The following PKHD1 variants were observed in gnomAD, a reference collection of about 807,000 sequenced individuals.
PKHD1 encodes PKHD1 ciliary IPT domain containing fibrocystin/polyductin, also known as fibrocystin.
PKHD1 carries 291 observed loss-of-function variants against 412.0 expected under a neutral mutation model. That is an observed-to-expected ratio of 0.71 (90% CI 0.64 to 0.78). The LOEUF (loss-of-function observed/expected upper bound fraction) is 0.78. PKHD1 is among the 30% of genes least tolerant of loss of function. The pLI is 0.00. For missense variants in PKHD1, 4,825 were observed against 4,950.7 expected (o/e 0.97, Z 0.76); for synonymous variants, 1,777 against 1,821.5 (o/e 0.98, Z 0.62).
intron 60 of PKHD1, among the ~76,000 whole-genome samples, chr6:51,691,001 AACAG>A (rs1284215415): frequency 6.6e-6 from 1 of 152,220 alleles, no homozygotes; most frequent in African/African-American, 2.4e-5. Flanking sequence ...AAAGGACATG[AACAG>A]ACACTTTTCA....
At chr6:51,840,663 A>G (rs1770023345) in intron 50 of PKHD1, among the ~76,000 whole-genome samples, 2 of 152,202 alleles carry the variant, frequency 1.3e-5, no homozygotes. Context: ...CAGGAGGCAA[A>G]AAAACACAAA....
At chr6:51,850,255 G>A (rs1049297384) in intron 49 of PKHD1, among the ~76,000 whole-genome samples, 4 of 152,086 alleles carry the variant, frequency 2.6e-5, no homozygotes, top group Admixed American at 6.5e-5. Flanking sequence ...CGGTCTATAT[G>A]TCTGTTTTGG....
chr6:51,924,914 G>A (rs1205126206), intron 37 of PKHD1, among the ~76,000 whole-genome samples: 1 of 152,162 alleles, frequency 6.6e-6, no homozygotes, highest in Admixed American at 6.5e-5. Context: ...CTGCCATTGT[G>A]GTAAGTACAT....
chr6:52,076,204 C>G (rs1811305146), intron 6 of PKHD1, 72 bp downstream of exon 6: 2 of 1,031,412 alleles, frequency 1.9e-6, no homozygotes, highest in Non-Finnish European at 3.1e-6. Context: ...ATAAAAACCA[C>G]TCACCTAGGT....
chr6:51,702,974 A>G (rs1779623744), intron 60 of PKHD1, among the ~76,000 whole-genome samples: 1 of 151,756 alleles, frequency 6.6e-6, no homozygotes, highest in Non-Finnish European at 1.5e-5. Context: ...TAACAAGGAA[A>G]CAAAGATAAA....
chr6:52,032,635 T>G (rs1324223580), intron 29 of PKHD1, among the ~76,000 whole-genome samples: 3 of 152,252 alleles, frequency 2.0e-5, no homozygotes, highest in Non-Finnish European at 4.4e-5. Flanking sequence ...ATAAATTACT[T>G]ATTCTCTCCA....
chr6:51,757,112 C>T lies in PKHD1; in HGVS notation c.8643-2174G>A, dbSNP rs537060244. 3.7e-4 allele frequency among the ~76,000 whole-genome samples: 57 copies of T among 152,242 alleles called. No homozygotes were observed. The South Asian group carries it at 9.1e-3, about 24-fold the overall frequency. ...ACTTCCTGCTGTGCGTCCTGGTTCC[C>T]GATAGGCTAAGGATCTGTACTGGTC... On this transcript the variant is annotated intron_variant, in intron 55 of 66. Coordinates refer to ENST00000371117, the MANE Select transcript of PKHD1 (RefSeq NM_138694.4).
chr6:51,681,819 G>A (rs777640552), intron 60 of PKHD1, among the ~76,000 whole-genome samples: 1 of 152,060 alleles, frequency 6.6e-6, no homozygotes, highest in Non-Finnish European at 1.5e-5. Flanking sequence ...TATTGCCTAT[G>A]GCTACTTTGC....
At chr6:51,740,925 T>C (rs1246615310) in intron 60 of PKHD1, among the ~76,000 whole-genome samples, 1 of 152,166 alleles carries the variant, frequency 6.6e-6, no homozygotes, top group African/African-American at 2.4e-5. Context: ...TCATTTAAAA[T>C]GTTATAAAGC....
chr6:52,001,985 GCTGT>G (rs1798456981), intron 35 of PKHD1, among the ~76,000 whole-genome samples: 2 of 152,222 alleles, frequency 1.3e-5, no homozygotes, highest in South Asian at 4.2e-4. Context: ...CATTTCCAGG[GCTGT>G]CTATGAATGA....
At chr6:51,798,713 A>G (rs188581495) in intron 52 of PKHD1, among the ~76,000 whole-genome samples, 2 of 152,270 alleles carry the variant, frequency 1.3e-5, no homozygotes, top group African/African-American at 2.4e-5. Context: ...ATCCTAAAAT[A>G]TGTTTTCCAA....
chr6:51,981,931 G>A (rs1253834508), intron 35 of PKHD1, among the ~76,000 whole-genome samples: 7 of 84,710 alleles, frequency 8.3e-5, no homozygotes, highest in East Asian at 3.5e-4. Flanking sequence ...CTGCCCGGCC[G>A]CCCATCGTCT....
chr6:51,908,966 T>C (rs1340682855), intron 40 of PKHD1, among the ~76,000 whole-genome samples: 1 of 152,110 alleles, frequency 6.6e-6, no homozygotes, highest in East Asian at 1.9e-4. Context: ...TGTGCTGTAT[T>C]ATAGTGATAG....
chr6:51,823,812 T>A (rs1305681679), intron 52 of PKHD1, among the ~76,000 whole-genome samples: 1 of 152,162 alleles, frequency 6.6e-6, no homozygotes, highest in Non-Finnish European at 1.5e-5. Flanking sequence ...GTGTCACAGA[T>A]CTTGGTTAGA....
intron 29 of PKHD1, among the ~76,000 whole-genome samples, chr6:52,030,352 A>C (rs1475590993): frequency 1.3e-5 from 2 of 152,174 alleles, no homozygotes; most frequent in African/African-American, 4.8e-5. Context: ...GGTTTGTTAG[A>C]TATCCTGGGA....
chr6:52,014,425 G>A (rs915365138), intron 34 of PKHD1, among the ~76,000 whole-genome samples: 4 of 152,264 alleles, frequency 2.6e-5, no homozygotes, highest in Middle Eastern at 3.4e-3. Context: ...TGACATCCAC[G>A]AATGAGCCAC....
Position 51,995,608 on chromosome 6 carries a change from T to C in PKHD1, c.5751+14701A>G, listed in dbSNP as rs1249601905. On this transcript the variant is annotated intron_variant, in intron 35 of 66. Coordinates refer to ENST00000371117, the MANE Select transcript of PKHD1 (RefSeq NM_138694.4). ...GGCCCTAATAAAATGCCACACTCTC[T>C]AGGGAGTTTCCAGGTAATTTTTCCA... is the stretch of plus-strand genomic sequence containing the variant. Among the ~76,000 whole-genome samples, 7 of 152,220 alleles carry C rather than the reference T, an allele frequency of 4.6e-5. No homozygotes were observed. The East Asian group carries it at 1.2e-3, about 25-fold the overall frequency.
chr6:51,821,027 C>T (rs888900890), intron 52 of PKHD1, among the ~76,000 whole-genome samples: 1 of 152,212 alleles, frequency 6.6e-6, no homozygotes, highest in Non-Finnish European at 1.5e-5. Flanking sequence ...CGGGCAGCTG[C>T]TCCTTGCTTG....
chr6:51,897,270 C>T lies in PKHD1; in HGVS notation c.6996+6327G>A, dbSNP rs532981867. ...GTTAAGGGCAGCCAGAGAGAAAGGTCGGGTTACCCTCAAAGGGAAGCCCAT... is the reference window on the plus strand; with the variant it reads ...GTTAAGGGCAGCCAGAGAGAAAGGTTGGGTTACCCTCAAAGGGAAGCCCAT... On this transcript the variant is annotated intron_variant, in intron 43 of 66. Coordinates refer to ENST00000371117, the MANE Select transcript of PKHD1 (RefSeq NM_138694.4). Among the ~76,000 whole-genome samples, 4 of 151,740 alleles carry T rather than the reference C, an allele frequency of 2.6e-5. No individual in the cohort carries two copies. The South Asian group carries it at 8.3e-4, about 32-fold the overall frequency.
Sources: allele counts gnomAD v4.1 joint callset (sites outside exome capture counted in the v4.1 genomes callset), GRCh38; gene constraint gnomAD v4.1.1; transcripts MANE v1.5; gene names NCBI Gene and HGNC (gene_info 2026-07-23, HGNC 2026-07-21).